The following PCSK2 variants were observed in gnomAD, a reference collection of about 807,000 sequenced individuals.
PCSK2 encodes the protein neuroendocrine convertase 2.
PCSK2 carries 14 observed loss-of-function variants against 69.7 expected under a neutral mutation model. The ratio of observed to expected loss-of-function variants is 0.20; its 90% CI spans 0.13 to 0.31. The LOEUF (loss-of-function observed/expected upper bound fraction) is 0.31, where lower values mean the gene tolerates loss of function less well. Ranked by LOEUF, PCSK2 falls within the 10% of genes least tolerant of loss-of-function variation. The pLI is 1.00. For synonymous variants in PCSK2, 307 were observed against 320.7 expected, an observed-to-expected ratio of 0.96 and a Z score of 0.46; for missense variants, 544 against 842.5, an observed-to-expected ratio of 0.65 and a Z score of 4.39.
At chr20:17,456,962 A>G (rs1266356273) in intron 10 of PCSK2, among the ~76,000 whole-genome samples, 2 of 152,166 alleles carry the variant, frequency 1.3e-5, no homozygotes, top group African/African-American at 2.4e-5. Context: ...AGTGTAGACC[A>G]AGATATGGGC....
At chr20:17,442,635 G>A (rs1000382727) in intron 8 of PCSK2, among the ~76,000 whole-genome samples, 50 of 152,138 alleles carry the variant, frequency 3.3e-4, no homozygotes, top group African/African-American at 1.1e-3. Context: ...AGGAATGAGC[G>A]TGTGAAAATG....
At chr20:17,349,637 G>T (rs1441274939) in intron 2 of PCSK2, among the ~76,000 whole-genome samples, 2 of 151,994 alleles carry the variant, frequency 1.3e-5, no homozygotes, top group Admixed American at 1.3e-4. Context: ...GGGTGTTAGA[G>T]CTAAAGTGTT....
At chr20:17,328,118 C>A (rs1990114921) in intron 2 of PCSK2, among the ~76,000 whole-genome samples, 1 of 152,160 alleles carries the variant, frequency 6.6e-6, no homozygotes, top group African/African-American at 2.4e-5. Context: ...TAAAAGGAAG[C>A]AAGCTCATCA....
chr20:17,365,582 A>G (rs1253472446), intron 4 of PCSK2, among the ~76,000 whole-genome samples: 1 of 152,174 alleles, frequency 6.6e-6, no homozygotes, highest in Non-Finnish European at 1.5e-5. Context: ...TATCATCTAA[A>G]TCAGAGATGG....
At chr20:17,427,415 G>A (rs528942746) in intron 6 of PCSK2, among the ~76,000 whole-genome samples, 1 of 152,176 alleles carries the variant, frequency 6.6e-6, no homozygotes, top group African/African-American at 2.4e-5. Context: ...AGGGCCTCAG[G>A]TTTTCATTTG....
chr20:17,347,804 GAAAGA>G (rs1990692214), intron 2 of PCSK2, among the ~76,000 whole-genome samples: 1 of 94,842 alleles, frequency 1.1e-5, no homozygotes, highest in African/African-American at 4.3e-5. Context: ...AAGAAAGAAA[GAAAGA>G]AAGAAAGAAA....
intron 7 of PCSK2, among the ~76,000 whole-genome samples, chr20:17,432,022 G>A (rs2123341776): frequency 6.6e-6 from 1 of 152,224 alleles, no homozygotes; most frequent in South Asian, 2.1e-4. Context: ...TGATGTCTGA[G>A]GTCCTTCCCC....
chr20:17,320,908 C>T (rs1043942488), intron 2 of PCSK2, among the ~76,000 whole-genome samples: 9 of 152,156 alleles, frequency 5.9e-5, no homozygotes, highest in Admixed American at 1.3e-4. Flanking sequence ...TCAGGACTAG[C>T]TTAAATGTAT....
chr20:17,286,531 A>C (rs1988516453), intron 2 of PCSK2, among the ~76,000 whole-genome samples: 1 of 152,190 alleles, frequency 6.6e-6, no homozygotes, highest in African/African-American at 2.4e-5. Flanking sequence ...TAAGAAAGGC[A>C]CTAAATACTT....
chr20:17,436,889 G>A lies in PCSK2; in HGVS notation c.885+6G>A, dbSNP rs1326711044. 6.2e-7 allele frequency: 1 copy of A among 1,600,572 alleles called. No individual in the cohort carries two copies. The highest frequency in any genetic ancestry group is 1.3e-5 in the African/African-American group (1 of 74,448). On this transcript the variant is annotated splice_donor_region_variant and intron_variant, in intron 8 of 11. Coordinates refer to ENST00000262545, the MANE Select transcript of PCSK2 (RefSeq NM_002594.5). ...TGGCCGATGGCGTGAACAAGGTAAG[G>A]GGGCCGGCCCCCTAGGCCCCGGCCA... is the stretch of plus-strand genomic sequence containing the variant.
chr20:17,400,668 G>A (rs1413355016), intron 5 of PCSK2, among the ~76,000 whole-genome samples: 2 of 151,996 alleles, frequency 1.3e-5, no homozygotes, highest in Non-Finnish European at 2.9e-5. Context: ...CCTCTCCCCA[G>A]GCAAAGTACT....
rs548617660 is a variant in PCSK2, at chr20:17,349,968, C to T, written c.283-8359C>T. Among the ~76,000 whole-genome samples the T allele has an allele frequency of 1.8e-4, 27 of 152,206 alleles. No homozygotes were observed. The South Asian group carries it at 4.2e-3, about 23-fold the overall frequency. On this transcript the variant is annotated intron_variant, in intron 2 of 11. Coordinates refer to ENST00000262545, the MANE Select transcript of PCSK2 (RefSeq NM_002594.5). ...GTCAAGGCTGGGGACCTCTGCTTCG[C>T]GAGGACACCTTGTTTTCTTGTAGTG...
chr20:17,370,954 G>A (rs982281464), intron 5 of PCSK2, among the ~76,000 whole-genome samples: 16 of 152,148 alleles, frequency 1.1e-4, no homozygotes, highest in African/African-American at 2.7e-4. Context: ...TCCTCCCTCC[G>A]AGGGCTGTCC....
In PCSK2 at chr20:17,372,385, T is replaced by TAATAAATA. The variant is rs58399065; in HGVS notation, c.543+3147_543+3154dup. 9.3e-3 allele frequency among the ~76,000 whole-genome samples: 1,317 copies of TAATAAATA among 141,920 alleles called. 12 individuals carry two copies. The highest frequency in any genetic ancestry group is 0.017 in the South Asian group (71 of 4,302). 93.1% of individuals were successfully genotyped at this position (141,920 alleles called of 152,430 possible). On this transcript the variant is annotated intron_variant, in intron 5 of 11. Coordinates refer to ENST00000262545, the MANE Select transcript of PCSK2 (RefSeq NM_002594.5). ...CAGAGGGAGACTCTGTCTTGAAAAA[T>TAATAAATA]AATAAATAAATAAATAAATAAATAA...
intron 1 of PCSK2, among the ~76,000 whole-genome samples, chr20:17,255,407 T>G (rs6514786): frequency 0.24 from 36,677 of 151,814 alleles, 5,339 homozygotes; most frequent in Non-Finnish European, 0.32. Flanking sequence ...AATGGCGCAA[T>G]CTCGGCTCAC....
At chr20:17,234,603 A>G (rs1339437852) in intron 1 of PCSK2, among the ~76,000 whole-genome samples, 1 of 152,234 alleles carries the variant, frequency 6.6e-6, no homozygotes, top group African/African-American at 2.4e-5. Context: ...GAACAAAGAA[A>G]GTAAAGTCTG....
At chr20:17,422,911 G>C (rs1030439935) in intron 6 of PCSK2, among the ~76,000 whole-genome samples, 2 of 152,106 alleles carry the variant, frequency 1.3e-5, no homozygotes, top group Non-Finnish European at 2.9e-5. Flanking sequence ...CAATAAATGT[G>C]ATAACTATGC....
intron 2 of PCSK2, among the ~76,000 whole-genome samples, chr20:17,338,848 C>T (rs1016636496): frequency 1.3e-5 from 2 of 152,134 alleles, no homozygotes; most frequent in African/African-American, 4.8e-5. Flanking sequence ...AAAGGGAAGA[C>T]AATCTCAACA....
intron 2 of PCSK2, among the ~76,000 whole-genome samples, chr20:17,336,060 C>A (rs765291917): frequency 6.6e-6 from 1 of 152,106 alleles, no homozygotes; most frequent in Non-Finnish European, 1.5e-5. Context: ...ACAGGTTCTA[C>A]CTCTTGATGA....
Sources: gnomAD v4.1 joint callset for allele counts (sites outside exome capture counted in the v4.1 genomes callset) on GRCh38, gnomAD v4.1.1 for gene constraint, MANE v1.5 for transcripts, NCBI Gene and HGNC (gene_info 2026-07-23, HGNC 2026-07-21) for gene names.